Variants in RIPOR3 observed in about 807,000 individuals in gnomAD.
RIPOR3 encodes family with sequence similarity 65 member C.
A neutral mutation model predicts 114.3 loss-of-function variants in RIPOR3; 95 were observed. That is an observed-to-expected ratio of 0.83 (90% CI 0.70 to 0.99). The LOEUF is 0.99. Among genes scored for constraint, RIPOR3 ranks in the 50% least tolerant of loss-of-function variants. RIPOR3 has a pLI of 0.00. For missense variants in RIPOR3, 1,252 were observed against 1,266.9 expected (o/e 0.99, Z 0.18); for synonymous variants, 575 against 543.8 (o/e 1.06, Z -0.80).
intron 4 of RIPOR3, among the ~76,000 whole-genome samples, chr20:50,615,108 A>AGAGT (rs74175509): frequency 7.2e-6 from 1 of 138,414 alleles, no homozygotes; most frequent in South Asian, 2.4e-4. Flanking sequence ...GCTATTTGTG[A>AGAGT]GTGTGTGTGT....
chr20:50,621,807 T>C (rs963420210), intron 2 of RIPOR3, among the ~76,000 whole-genome samples: 3 of 152,202 alleles, frequency 2.0e-5, no homozygotes, highest in Non-Finnish European at 4.4e-5. Context: ...CTCTCTTTTT[T>C]AGCTTAAGCC....
intron 17 of RIPOR3, among the ~76,000 whole-genome samples, 161 bp downstream of exon 17, chr20:50,594,392 G>A (rs781516832): frequency 1.3e-5 from 2 of 152,186 alleles, no homozygotes; most frequent in African/African-American, 2.4e-5. Context: ...TGAAAGGGCG[G>A]TGACTCGCAC....
rs2123668488 is a variant in RIPOR3 at position 50,691,272 on chromosome 20, TG to T, written c.-145del. On this transcript the variant is annotated 5_prime_UTR_variant, in exon 1 of 22. Coordinates refer to ENST00000327979, the MANE Select transcript of RIPOR3 (RefSeq NM_001290268.2). ...AGGGCTCTGCAAATTCCATCCACAC[TG>T]GCCACCAGCCGCTGGTCCCGCTCTC... 1 of 1,054,988 alleles carries T rather than the reference TG, an allele frequency of 9.5e-7. No individual in the cohort carries two copies. The highest frequency in any genetic ancestry group is 2.5e-5 in the Admixed American group (1 of 40,784). The allele number at this position is 1,054,988 out of a possible 1,614,324, so 65.4% of individuals were successfully genotyped here. A position where few individuals can be genotyped will look rare whatever the true frequency, so the allele number is the denominator to read the frequency against.
At chr20:50,601,255 G>A (rs1311888774) in intron 13 of RIPOR3, among the ~76,000 whole-genome samples, 2 of 152,168 alleles carry the variant, frequency 1.3e-5, no homozygotes, top group African/African-American at 2.4e-5. Flanking sequence ...CCAACATGGC[G>A]AAACCCCATC....
chr20:50,633,737 C>T (rs1338169154), intron 1 of RIPOR3, among the ~76,000 whole-genome samples: 1 of 152,148 alleles, frequency 6.6e-6, no homozygotes, highest in Non-Finnish European at 1.5e-5. Context: ...CAGTTCCTCC[C>T]GATGCAAAGC....
chr20:50,624,404 T>G (rs2084542317), intron 2 of RIPOR3, among the ~76,000 whole-genome samples: 1 of 152,002 alleles, frequency 6.6e-6, no homozygotes, highest in African/African-American at 2.4e-5. Context: ...CCCCAACAGG[T>G]GTGCACCGTT....
rs2083624916 is a variant in RIPOR3 at position 50,604,511 on chromosome 20, C to G, written c.1086+134G>C. The G allele has an allele frequency of 1.1e-5, 14 of 1,315,674 alleles. 1 individual carries two copies. The South Asian group carries it at 2.2e-4, about 21-fold the overall frequency. The allele number at this position is 1,315,674 out of a possible 1,614,324, so 81.5% of individuals were successfully genotyped here. ...GGAAGAAAGTGCACAGGAAAACACCCAGGATCGCCTCAAACGGAAGCTGAG... is the reference window on the plus strand; with the variant it reads ...GGAAGAAAGTGCACAGGAAAACACCGAGGATCGCCTCAAACGGAAGCTGAG... On this transcript the variant is annotated intron_variant, in intron 12 of 21. Coordinates refer to ENST00000327979, the MANE Select transcript of RIPOR3 (RefSeq NM_001290268.2).
chr20:50,682,590 G>C (rs906327551), intron 1 of RIPOR3, among the ~76,000 whole-genome samples: 2 of 115,356 alleles, frequency 1.7e-5, no homozygotes, highest in Non-Finnish European at 3.7e-5. Flanking sequence ...CTGGGTGACA[G>C]AGTGAGACCC....
rs556062819 is a variant in RIPOR3, at chr20:50,672,838, T to G, written c.3+18288A>C. On this transcript the variant is annotated intron_variant, in intron 1 of 21. Coordinates refer to ENST00000327979, the MANE Select transcript of RIPOR3 (RefSeq NM_001290268.2). The stretch of plus-strand genomic sequence containing the variant: ...AGAGGCGCACACCTGTCCTCCCATC[T>G]CCTCCTGGGCTGGAGCCATGTGAGC... 1.1e-3 allele frequency among the ~76,000 whole-genome samples: 162 copies of G among 152,218 alleles called. 1 individual carries two copies. Among genetic ancestry groups the G allele is most frequent in the Non-Finnish European group, 1.3e-3 (89 of 68,006 alleles).
At chr20:50,644,844 ATTTTT>A (rs34862675) in intron 1 of RIPOR3, among the ~76,000 whole-genome samples, 1 of 136,518 alleles carries the variant, frequency 7.3e-6, no homozygotes, top group African/African-American at 2.7e-5. Flanking sequence ...TTTATTTTTT[ATTTTT>A]TTTTTTTGAG....
At chr20:50,653,396 C>T (rs565339863) in intron 1 of RIPOR3, among the ~76,000 whole-genome samples, 2 of 150,978 alleles carry the variant, frequency 1.3e-5, no homozygotes, top group South Asian at 4.2e-4. Flanking sequence ...GGTTGCACAG[C>T]TTTGTGAATA....
intron 1 of RIPOR3, among the ~76,000 whole-genome samples, chr20:50,638,671 G>A (rs77191211): frequency 8.2e-4 from 124 of 152,130 alleles, no homozygotes; most frequent in East Asian, 3.1e-3. Context: ...GGAAGAGAGC[G>A]TGGGGGTGTG....
chr20:50,627,360 A>AG (rs2084657304), intron 2 of RIPOR3, among the ~76,000 whole-genome samples: 1 of 150,834 alleles, frequency 6.6e-6, no homozygotes, highest in Non-Finnish European at 1.5e-5. Flanking sequence ...AAAAAAAAAA[A>AG]ATTAACTGGC....
chr20:50,687,643 T>C (rs1435906910), intron 1 of RIPOR3, among the ~76,000 whole-genome samples: 1 of 152,218 alleles, frequency 6.6e-6, no homozygotes, highest in Non-Finnish European at 1.5e-5. Context: ...GGCTCGTGCC[T>C]GTAATCCCAA....
At chr20:50,611,125 C>T in intron 5 of RIPOR3, 56 bp downstream of exon 5, 1 of 1,613,288 alleles carries the variant, frequency 6.2e-7, no homozygotes, top group East Asian at 2.2e-5. Context: ...CAATGAGGCA[C>T]AGTCATTCTC....
At chr20:50,663,538 G>C (rs2086077368) in intron 1 of RIPOR3, among the ~76,000 whole-genome samples, 1 of 152,168 alleles carries the variant, frequency 6.6e-6, no homozygotes, top group Admixed American at 6.6e-5. Context: ...TGAAGGTCTT[G>C]GCGTTGTGAG....
Position 50,630,859 on chromosome 20 carries a change from G to A in RIPOR3, c.4-3C>T. 1 of 1,591,516 alleles carries A rather than the reference G, an allele frequency of 6.3e-7. No homozygotes were observed. Among genetic ancestry groups the A allele is most frequent in the Non-Finnish European group, 8.6e-7 (1 of 1,169,134 alleles). ...AACCTCACCGACATGGTGGTCACCTGCAAGGAGAGGACAGGAGAGTCAGCC... is the reference window on the plus strand; with the variant it reads ...AACCTCACCGACATGGTGGTCACCTACAAGGAGAGGACAGGAGAGTCAGCC... On this transcript the variant is annotated splice_region_variant and splice_polypyrimidine_tract_variant and intron_variant, in intron 1 of 21. Coordinates refer to ENST00000327979, the MANE Select transcript of RIPOR3 (RefSeq NM_001290268.2).
rs113467559 is a variant in RIPOR3, at chr20:50,604,167, A to G, written c.1086+478T>C. 3.4e-3 allele frequency among the ~76,000 whole-genome samples: 523 copies of G among 151,804 alleles called. 3 individuals carry two copies. The highest frequency in any genetic ancestry group is 0.012 in the African/African-American group (497 of 41,364). On this transcript the variant is annotated intron_variant, in intron 12 of 21. Transcript: ENST00000327979. ...GTGACTGCACTCCAGCCTGGGAGAC[A>G]AGAGCGAAACTCCGTCTCAAAAAAA... is the stretch of plus-strand genomic sequence containing the variant.
At chr20:50,654,422 GTTTTTTTT>G (rs34825514) in intron 1 of RIPOR3, among the ~76,000 whole-genome samples, 1 of 56,074 alleles carries the variant, frequency 1.8e-5, no homozygotes, top group African/African-American at 6.5e-5. Flanking sequence ...AGGAGGCAGA[GTTTTTTTT>G]TTTTTTTTTT....
Sources: allele counts gnomAD v4.1 joint callset (sites outside exome capture counted in the v4.1 genomes callset), GRCh38; gene constraint gnomAD v4.1.1; transcripts MANE v1.5; gene names NCBI Gene and HGNC (gene_info 2026-07-23, HGNC 2026-07-21).